The following AHDC1 variants were observed in gnomAD, a reference collection of about 807,000 sequenced individuals.
The protein encoded by AHDC1 is transcription factor Gibbin.
A neutral mutation model predicts 87.9 loss-of-function variants in AHDC1; 7 were observed. That is an observed-to-expected ratio of 0.08 (90% confidence interval 0.05 to 0.15). The LOEUF is 0.15. AHDC1 is among the 10% of genes least tolerant of loss of function. The probability of loss-of-function intolerance (pLI) is 1.00; values close to 1 mark genes in which losing one functional copy is unlikely to be tolerated. For missense variants in AHDC1, 1,841 were observed against 2,253.2 expected (o/e 0.82, Z 3.70); for synonymous variants, 1,051 against 1,006.8 (o/e 1.04, Z -0.83).
In AHDC1 at chr1:27,551,777, G is replaced by A. The variant is rs1417287354; in HGVS notation, c.339C>T (p.Asn113=). 1 of 1,613,446 alleles carries A rather than the reference G, an allele frequency of 6.2e-7. No homozygotes were observed. The highest frequency in any genetic ancestry group is 8.5e-7 in the Non-Finnish European group (1 of 1,179,910). Residue 113 remains asparagine, a synonymous_variant, in exon 8 of 9, where the codon AAC becomes AAT. Coordinates refer to ENST00000673934, the MANE Select transcript of AHDC1 (RefSeq NM_001371928.1). The part of the protein sequence containing the change: ...DGSSSRRCWD[N]GRVNLRPVVQ... ...CCACTGGTCGCAGGTTCACCCGCCCGTTGTCCCAGCAGCGTCGGGAGCTGC... is the reference window on the plus strand; with the variant it reads ...CCACTGGTCGCAGGTTCACCCGCCCATTGTCCCAGCAGCGTCGGGAGCTGC...
intron 3 of AHDC1, among the ~76,000 whole-genome samples, chr1:27,597,148 T>TG (rs1219943386): frequency 6.6e-6 from 1 of 151,028 alleles, no homozygotes; most frequent in Admixed American, 6.6e-5. Flanking sequence ...AGTATGGGGG[T>TG]GGGGGGCAGG....
chr1:27,566,509 G>A (rs1052991982), intron 3 of AHDC1, among the ~76,000 whole-genome samples: 2 of 151,938 alleles, frequency 1.3e-5, no homozygotes, highest in Non-Finnish European at 2.9e-5. Flanking sequence ...GAGGCACAGA[G>A]CACCAGCGAC....
Position 27,548,292 on chromosome 1 carries a change from C to G in AHDC1, c.3824G>C (p.Arg1275Pro). ...STGPRQPRGG[R>P]GGGACSAKKE... ...CTTGGCTGAGCAGGCCCCACCGCCC[C>G]GTCCACCTCGCGGCTGCCGGGGCCC... is the stretch of plus-strand genomic sequence containing the variant. The change falls in exon 8 of 9, where the codon CGG (arginine) becomes CCG (proline). Residue 1275 changes from arginine (R) to proline (P), a missense_variant. By Grantham distance (103) the Arg-to-Pro change is moderately radical. Around this residue, in one of 13 missense-constraint regions of AHDC1, gnomAD observed 505 missense variants for 626.2 expected, o/e 0.81. Coordinates refer to ENST00000673934, the MANE Select transcript of AHDC1 (RefSeq NM_001371928.1). 1 of 1,606,874 alleles carries G rather than the reference C, an allele frequency of 6.2e-7. No individual in the cohort carries two copies. Among genetic ancestry groups the G allele is most frequent in the Non-Finnish European group, 8.5e-7 (1 of 1,175,594 alleles).
chr1:27,557,877 C>T (rs928717695), intron 5 of AHDC1, among the ~76,000 whole-genome samples: 1 of 152,190 alleles, frequency 6.6e-6, no homozygotes, highest in African/African-American at 2.4e-5. Flanking sequence ...GTATATTACC[C>T]CATGTGCACG....
At chr1:27,577,073 A>G (rs1042411412) in intron 3 of AHDC1, among the ~76,000 whole-genome samples, 5 of 151,870 alleles carry the variant, frequency 3.3e-5, no homozygotes, top group Non-Finnish European at 2.9e-5. Context: ...ATCCCTCAAC[A>G]TTCTTCCTGG....
intron 3 of AHDC1, among the ~76,000 whole-genome samples, chr1:27,594,768 G>A (rs971173140): frequency 6.6e-6 from 1 of 152,134 alleles, no homozygotes; most frequent in Non-Finnish European, 1.5e-5. Flanking sequence ...TGGGGGAGAG[G>A]GTGTGCTGGA....
intron 3 of AHDC1, among the ~76,000 whole-genome samples, chr1:27,584,583 A>G (rs2088994378): frequency 6.6e-6 from 1 of 152,184 alleles, no homozygotes; most frequent in African/African-American, 2.4e-5. Flanking sequence ...TTTTCCAGTT[A>G]GTTGGGCAGC....
Position 27,560,108 on chromosome 1 carries a change from A to T in AHDC1, c.-628-1225T>A, listed in dbSNP as rs1233273277. Among the ~76,000 whole-genome samples, 1 of 151,606 alleles carries T rather than the reference A, an allele frequency of 6.6e-6. No individual in the cohort carries two copies. The highest frequency in any genetic ancestry group is 1.5e-5 in the Non-Finnish European group (1 of 67,896). On this transcript the variant is annotated intron_variant, in intron 3 of 8. Transcript: ENST00000673934. This position sits in a 1 kb window ranked among gnomAD's most constrained non-coding sequence, Gnocchi z 4.1. ...CTGCTGTGGTCAGCTGTGTGTGTGT[A>T]TGTGTGATGCCAGCTTAAGTGTGTG...
In AHDC1 at chr1:27,548,733, T is replaced by C. The variant is rs1229018369; in HGVS notation, c.3383A>G (p.Tyr1128Cys). ...GACGTGGCAGTCAAAACTGGGATTG[T>C]AGAGCTGACTAAAGGCCTCTGAGGC... Reference protein sequence around the residue: ...DWASEAFSQLYNPSFDCHVSE... With the variant: ...DWASEAFSQLCNPSFDCHVSE... Residue 1128 changes from tyrosine to cysteine, a missense_variant, in exon 8 of 9, where the codon TAC (tyrosine) becomes TGC (cysteine). This residue lies in a region of AHDC1 where 378 missense variants were observed against 399.0 expected (regional missense o/e 0.95). Coordinates refer to ENST00000673934, the MANE Select transcript of AHDC1 (RefSeq NM_001371928.1). 4 of 1,613,232 alleles carry C rather than the reference T, an allele frequency of 2.5e-6. No homozygotes were observed. The highest frequency in any genetic ancestry group is 2.2e-5 in the East Asian group (1 of 44,884).
chr1:27,552,138 C>T lies in AHDC1; in HGVS notation c.-23G>A, dbSNP rs1473008613. ...CATCCTGACCTTGTCCTCCGCAGGC[C>T]GCCGGGCGGGGCCGGGGCTGACATG... On this transcript the variant is annotated 5_prime_UTR_variant, in exon 8 of 9. Coordinates refer to ENST00000673934, the MANE Select transcript of AHDC1 (RefSeq NM_001371928.1). The T allele has an allele frequency of 7.0e-6, 10 of 1,435,678 alleles. No individual in the cohort carries two copies. Among genetic ancestry groups the T allele is most frequent in the Admixed American group, 2.9e-5 (1 of 34,686 alleles). 88.9% of individuals were successfully genotyped at this position (1,435,678 alleles called of 1,614,324 possible). A position where few individuals can be genotyped will look rare whatever the true frequency, so the allele number is the denominator to read the frequency against.
intron 8 of AHDC1, among the ~76,000 whole-genome samples, chr1:27,537,508 C>T (rs1315297857): frequency 3.3e-5 from 5 of 152,128 alleles, no homozygotes; most frequent in African/African-American, 7.2e-5. Context: ...AGTGACAGAG[C>T]GGGGACTGAC....
intron 8 of AHDC1, among the ~76,000 whole-genome samples, chr1:27,544,474 T>C (rs1357957219): frequency 6.6e-6 from 1 of 152,208 alleles, no homozygotes; most frequent in Non-Finnish European, 1.5e-5. Context: ...CAGCACTGGA[T>C]GGACACACAG....
At chr1:27,591,726 TGC>T (rs1394465561) in intron 3 of AHDC1, among the ~76,000 whole-genome samples, 2 of 152,208 alleles carry the variant, frequency 1.3e-5, no homozygotes, top group Non-Finnish European at 2.9e-5. Flanking sequence ...CCCGGATTAA[TGC>T]CCTAGCTGCA....
chr1:27,559,569 G>A (rs569140685), intron 3 of AHDC1, among the ~76,000 whole-genome samples: 1 of 152,314 alleles, frequency 6.6e-6, no homozygotes, highest in South Asian at 2.1e-4. Flanking sequence ...AATAGGAAAA[G>A]TGAGATCTTA....
intron 8 of AHDC1, among the ~76,000 whole-genome samples, chr1:27,540,464 G>A (rs1167720868): frequency 6.6e-6 from 1 of 151,968 alleles, no homozygotes; most frequent in African/African-American, 2.4e-5. Context: ...GGGGAGGGGA[G>A]GACGGTGCCC....
At position 27,560,765 on chromosome 1, in the gene AHDC1, CAT is replaced by C. The variant is rs1021629832; in HGVS notation, c.-628-1884_-628-1883del. Among the ~76,000 whole-genome samples the C allele has an allele frequency of 1.3e-5, 2 of 152,136 alleles. No homozygotes were observed. The highest frequency in any genetic ancestry group is 2.9e-5 in the Non-Finnish European group (2 of 68,024). On this transcript the variant is annotated intron_variant, in intron 3 of 8. Transcript: ENST00000673934. The surrounding 1 kb of genome is among the most constrained non-coding windows in gnomAD (Gnocchi z 4.1). ...CAGTATGGCCGTGTGTCAGCGTCAA[CAT>C]GTGTGAGCAGGTCTGTGTGCCATGG...
At chr1:27,603,163 C>T (rs1012180293) in intron 3 of AHDC1, among the ~76,000 whole-genome samples, 1 of 148,960 alleles carries the variant, frequency 6.7e-6, no homozygotes, top group Non-Finnish European at 1.5e-5. Context: ...CCCGCCCCCC[C>T]TCCCCGTCCA....
Position 27,547,049 on chromosome 1 carries a change from C to A in AHDC1, c.*43+212G>T, listed in dbSNP as rs2019199538. Among the ~76,000 whole-genome samples the A allele has an allele frequency of 6.6e-6, 1 of 151,796 alleles. No individual in the cohort carries two copies. Among genetic ancestry groups the A allele is most frequent in the Non-Finnish European group, 1.5e-5 (1 of 67,930 alleles). On this transcript the variant is annotated intron_variant, in intron 8 of 8. Transcript: ENST00000673934. This position sits in a 1 kb window ranked among gnomAD's most constrained non-coding sequence, Gnocchi z 4.9. ...AAGACCCCCCCGAACGTTCAAGCCCCCTGCTGAGTTCCCAGCCCAAGCACC... is the reference window on the plus strand; with the variant it reads ...AAGACCCCCCCGAACGTTCAAGCCCACTGCTGAGTTCCCAGCCCAAGCACC...
At chr1:27,597,375 G>GT (rs1273841227) in intron 3 of AHDC1, among the ~76,000 whole-genome samples, 1 of 148,682 alleles carries the variant, frequency 6.7e-6, no homozygotes, top group Non-Finnish European at 1.5e-5. Flanking sequence ...GAGTGTGTGT[G>GT]TGAGAGAGAG....
Sources: allele counts gnomAD v4.1 joint callset (sites outside exome capture counted in the v4.1 genomes callset), GRCh38; gene constraint gnomAD v4.1.1; regional missense constraint gnomAD v4.1.1; non-coding constraint Gnocchi (gnomAD v3.1); transcripts MANE v1.5; gene names NCBI Gene and HGNC (gene_info 2026-07-23, HGNC 2026-07-21).